Variants in SORCS2 observed in about 807,000 individuals in gnomAD.
SORCS2 encodes the protein sortilin related VPS10 domain containing receptor 2, also known as VPS10 domain-containing receptor SorCS2.
SORCS2 carries 100 observed loss-of-function variants against 141.6 expected under a neutral mutation model. The ratio of observed to expected loss-of-function variants is 0.71; its 90% CI spans 0.60 to 0.83. SORCS2 has a LOEUF of 0.83. Among genes scored for constraint, SORCS2 ranks in the 40% least tolerant of loss-of-function variants. The probability of loss-of-function intolerance (pLI) is 0.00; values close to 1 mark genes in which losing one functional copy is unlikely to be tolerated. For missense variants in SORCS2, 1,646 were observed against 1,560.2 expected (o/e 1.05, Z -0.93); for synonymous variants, 789 against 676.9 (o/e 1.17, Z -2.57).
At chr4:7,252,343 A>G (rs1577323396) in intron 1 of SORCS2, among the ~76,000 whole-genome samples, 2 of 152,146 alleles carry the variant, frequency 1.3e-5, no homozygotes, top group African/African-American at 4.8e-5. Flanking sequence ...TGTGGGCAGG[A>G]TGGGCCCGGG....
At chr4:7,385,881 T>G (rs1292428072) in intron 1 of SORCS2, among the ~76,000 whole-genome samples, 3 of 152,186 alleles carry the variant, frequency 2.0e-5, no homozygotes, top group Admixed American at 2.0e-4. Context: ...GCACACTTAT[T>G]GAGCACTGAC....
intron 3 of SORCS2, among the ~76,000 whole-genome samples, chr4:7,552,217 T>C (rs1336549949): frequency 6.6e-6 from 1 of 152,062 alleles, no homozygotes; most frequent in Non-Finnish European, 1.5e-5. Flanking sequence ...CCATGCGAGG[T>C]GGGGCAGGTA....
intron 3 of SORCS2, among the ~76,000 whole-genome samples, chr4:7,585,820 T>A (rs1456366152): frequency 2.0e-5 from 3 of 152,216 alleles, no homozygotes; most frequent in Non-Finnish European, 4.4e-5. Context: ...TTTTATTGAC[T>A]CCATCCCTGT....
intron 22 of SORCS2, 143 bp downstream of exon 22, chr4:7,728,605 G>T: frequency 1.6e-6 from 1 of 614,272 alleles, no homozygotes; most frequent in South Asian, 2.1e-5. Context: ...GGGCCAGCTG[G>T]GGATGTTGAA....
intron 2 of SORCS2, among the ~76,000 whole-genome samples, chr4:7,416,615 C>T (rs982062673): frequency 1.3e-5 from 2 of 152,164 alleles, no homozygotes; most frequent in Non-Finnish European, 2.9e-5. Context: ...TATACACAGA[C>T]ACGCATATGG....
At chr4:7,306,630 A>G (rs1043233476) in intron 1 of SORCS2, among the ~76,000 whole-genome samples, 1 of 152,182 alleles carries the variant, frequency 6.6e-6, no homozygotes, top group African/African-American at 2.4e-5. Flanking sequence ...ATGCCTGGGA[A>G]TCGCCTTCAG....
intron 1 of SORCS2, among the ~76,000 whole-genome samples, chr4:7,298,762 G>A (rs1196856499): frequency 6.6e-6 from 1 of 152,180 alleles, no homozygotes; most frequent in East Asian, 1.9e-4. Context: ...AAACATTTGT[G>A]AGCCTGAGGT....
chr4:7,311,061 C>T (rs1487369475), intron 1 of SORCS2, among the ~76,000 whole-genome samples: 6 of 152,116 alleles, frequency 3.9e-5, no homozygotes, highest in Non-Finnish European at 8.8e-5. Flanking sequence ...TAAAAGTCTC[C>T]TCTTGCCCCT....
At chr4:7,447,716 G>T (rs1690514654) in intron 2 of SORCS2, among the ~76,000 whole-genome samples, 1 of 152,284 alleles carries the variant, frequency 6.6e-6, no homozygotes. Flanking sequence ...GCAGGACCCC[G>T]AGGAGGCTGC....
chr4:7,458,640 C>T (rs377704965), intron 2 of SORCS2, among the ~76,000 whole-genome samples: 1 of 152,188 alleles, frequency 6.6e-6, no homozygotes, highest in Non-Finnish European at 1.5e-5. Context: ...TTTATTTGCT[C>T]ATCAAACTTG....
In SORCS2 at chr4:7,440,906, C is replaced by T. The variant is rs376148256; in HGVS notation, c.548+44551C>T. Among the ~76,000 whole-genome samples, 16 of 152,270 alleles carry T rather than the reference C, an allele frequency of 1.1e-4. No individual in the cohort carries two copies. The South Asian group carries it at 1.4e-3, about 14-fold the overall frequency. On this transcript the variant is annotated intron_variant, in intron 2 of 26. Transcript: ENST00000507866. ...ACTAGGGGCTCAATGGGGATGAAGA[C>T]GGATGAGGAGTGGCTCTTTGCGGTG...
intron 3 of SORCS2, among the ~76,000 whole-genome samples, chr4:7,612,277 C>A (rs10024418): frequency 0.16 from 24,496 of 152,022 alleles, 2,060 homozygotes; most frequent in Middle Eastern, 0.25. Context: ...GGTGAAAGGA[C>A]GGTGGCTTGG....
intron 2 of SORCS2, among the ~76,000 whole-genome samples, chr4:7,466,925 G>A (rs1412753338): frequency 6.6e-6 from 1 of 152,140 alleles, no homozygotes; most frequent in African/African-American, 2.4e-5. Context: ...TGCCAGGGGA[G>A]GCACCCTGCT....
At position 7,674,578 on chromosome 4, in the gene SORCS2, TAA is replaced by T. The variant is rs377431157; in HGVS notation, c.1162-1446_1162-1445del. 7.2e-3 allele frequency among the ~76,000 whole-genome samples: 592 copies of T among 82,546 alleles called. 6 individuals carry two copies. The highest frequency in any genetic ancestry group is 0.022 in the African/African-American group (569 of 25,936). The allele number at this position is 82,546 out of a possible 152,430, so 54.2% of individuals were successfully genotyped here. On this transcript the variant is annotated intron_variant, in intron 8 of 26. Transcript: ENST00000507866. ...GACAGAGCGAGACTCTGTCTCAAAA[TAA>T]AAAAAAAAAAAAAAAAAAAAAAAAA...
chr4:7,370,069 G>A (rs1722150639), intron 1 of SORCS2, among the ~76,000 whole-genome samples: 1 of 152,178 alleles, frequency 6.6e-6, no homozygotes, highest in South Asian at 2.1e-4. Context: ...TGGCCTCAGT[G>A]CCCCCCCAGC....
chr4:7,553,286 A>T (rs542663562), intron 3 of SORCS2, among the ~76,000 whole-genome samples: 2 of 151,700 alleles, frequency 1.3e-5, no homozygotes, highest in Admixed American at 6.6e-5. Context: ...TCATATTCTG[A>T]TTTTTTTTCT....
chr4:7,623,167 C>T (rs1719313338), intron 3 of SORCS2, among the ~76,000 whole-genome samples: 1 of 152,114 alleles, frequency 6.6e-6, no homozygotes, highest in South Asian at 2.1e-4. Flanking sequence ...TCAGACACAC[C>T]AATGCCCTGC....
At chr4:7,447,410 C>T (rs1051007730) in intron 2 of SORCS2, among the ~76,000 whole-genome samples, 5 of 152,166 alleles carry the variant, frequency 3.3e-5, no homozygotes, top group Non-Finnish European at 7.3e-5. Flanking sequence ...ACATGGTAAA[C>T]CCTCAATATA....
intron 1 of SORCS2, among the ~76,000 whole-genome samples, chr4:7,272,892 G>T (rs991701695): frequency 6.6e-6 from 1 of 152,240 alleles, no homozygotes; most frequent in Non-Finnish European, 1.5e-5. Context: ...GGCTCTCCAA[G>T]ACCCTCTTTG....
Sources: allele counts gnomAD v4.1 joint callset (sites outside exome capture counted in the v4.1 genomes callset), GRCh38; gene constraint gnomAD v4.1.1; transcripts MANE v1.5; gene names NCBI Gene and HGNC (gene_info 2026-07-23, HGNC 2026-07-21).